NDC80: variants seen among roughly 807,000 people sequenced by gnomAD.
The protein encoded by NDC80 is kinetochore protein NDC80 homolog.
Under a neutral mutation model 89.3 loss-of-function variants are expected in NDC80, and 69 were observed. That is an observed-to-expected ratio of 0.77 (90% CI 0.64 to 0.94). The LOEUF (loss-of-function observed/expected upper bound fraction) is 0.94, where lower values mean the gene tolerates loss of function less well. NDC80 is among the 40% of genes least tolerant of loss of function. The pLI, the probability that NDC80 is intolerant of heterozygous loss-of-function variation, is 0.00. For missense variants in NDC80, 593 were observed against 739.6 expected, an observed-to-expected ratio of 0.80 and a Z score of 2.30; for synonymous variants, 243 against 255.6, an observed-to-expected ratio of 0.95 and a Z score of 0.47.
chr18:2,608,356 C>G (rs2143667070), intron 14 of NDC80, among the ~76,000 whole-genome samples: 1 of 151,950 alleles, frequency 6.6e-6, no homozygotes, highest in Non-Finnish European at 1.5e-5. Context: ...CAGGTGCATG[C>G]CACCATGCCC....
chr18:2,611,887 G>A (rs765776398), intron 16 of NDC80, among the ~76,000 whole-genome samples: 1 of 151,522 alleles, frequency 6.6e-6, no homozygotes, highest in Non-Finnish European at 1.5e-5. Flanking sequence ...GGTGCCAATG[G>A]TCTTCACTTT....
intron 1 of NDC80, among the ~76,000 whole-genome samples, chr18:2,572,648 G>A (rs2072522635): frequency 6.6e-6 from 1 of 152,178 alleles, no homozygotes; most frequent in Admixed American, 6.5e-5. Flanking sequence ...TAACAGACAG[G>A]GCTTTAGCTA....
intron 6 of NDC80, among the ~76,000 whole-genome samples, chr18:2,580,224 T>A (rs564113437): frequency 7.2e-4 from 110 of 152,214 alleles, no homozygotes; most frequent in Non-Finnish European, 1.4e-3. Flanking sequence ...TATCTACTCT[T>A]CTGATTTTTT....
At chr18:2,591,945 G>A (rs541868061) in intron 10 of NDC80, among the ~76,000 whole-genome samples, 13 of 151,918 alleles carry the variant, frequency 8.6e-5, no homozygotes, top group Admixed American at 2.6e-4. Context: ...TAGTAGAGAC[G>A]GGGTTTCACC....
At chr18:2,572,646 A>T (rs2072522607) in intron 1 of NDC80, among the ~76,000 whole-genome samples, 1 of 152,256 alleles carries the variant, frequency 6.6e-6, no homozygotes, top group Non-Finnish European at 1.5e-5. Flanking sequence ...GGTAACAGAC[A>T]GGGCTTTAGC....
chr18:2,578,404 C>T (rs570463789), intron 5 of NDC80, among the ~76,000 whole-genome samples: 3 of 152,006 alleles, frequency 2.0e-5, no homozygotes, highest in South Asian at 4.2e-4. Flanking sequence ...GGATAAAATC[C>T]ACTTTTCTTT....
chr18:2,572,972 T>A lies in NDC80; in HGVS notation c.-9-5T>A, dbSNP rs373117985. 5.0e-6 allele frequency: 8 copies of A among 1,608,502 alleles called. No homozygotes were observed. In the African/African-American group the frequency reaches 9.4e-5, roughly 19 times the overall value. On this transcript the variant is annotated splice_region_variant and splice_polypyrimidine_tract_variant and intron_variant, in intron 1 of 16. Transcript: ENST00000261597. The stretch of plus-strand genomic sequence containing the variant: ...TTTTTTTAAATACTGAATTCGTGAA[T>A]GTAGGTCATAAGCATGAAGCGCAGT...
chr18:2,598,003 G>A (rs1049751462), intron 11 of NDC80, among the ~76,000 whole-genome samples: 2 of 151,898 alleles, frequency 1.3e-5, no homozygotes, highest in Non-Finnish European at 2.9e-5. Context: ...CATGAGAGAA[G>A]CCAATTATTC....
intron 11 of NDC80, 83 bp from the exon 12 acceptor site, chr18:2,598,936 G>T: frequency 7.5e-7 from 1 of 1,334,876 alleles, no homozygotes. Context: ...GATATGTTTT[G>T]TATAAAATTT....
rs564355858 is a variant in NDC80 at position 2,592,169 on chromosome 18, A to G, written c.1015+2007A>G. Among the ~76,000 whole-genome samples the G allele has an allele frequency of 2.8e-4, 43 of 152,274 alleles. No individual in the cohort carries two copies. The South Asian group carries it at 8.7e-3, about 31-fold the overall frequency. ...AACTTTTTCTGATAGCTGCAAACTC[A>G]GTAGGTGAGAGAGAAATACTTAATC... On this transcript the variant is annotated intron_variant, in intron 10 of 16. Transcript: ENST00000261597.
chr18:2,573,361 T>C (rs2072529370), intron 2 of NDC80, among the ~76,000 whole-genome samples: 2 of 152,228 alleles, frequency 1.3e-5, no homozygotes, highest in African/African-American at 2.4e-5. Context: ...TACTCTCTTA[T>C]TTTTCTCTTT....
chr18:2,578,112 A>C lies in NDC80; in HGVS notation c.447A>C (p.Glu149Asp), dbSNP rs1351701561. The C allele has an allele frequency of 1.2e-6, 2 of 1,614,026 alleles. No homozygotes were observed. Among genetic ancestry groups the C allele is most frequent in the South Asian group, 2.2e-5 (2 of 91,072 alleles). The change falls in exon 5 of 17, where the codon GAA (glutamate) becomes GAC (aspartate). Residue 149 changes from glutamate (E) to aspartate (D), a missense_variant. Physicochemically the swap from Glu to Asp is conservative, Grantham distance 45. Transcript: ENST00000261597. ...AACTTCCTGACACAAAGTTTGAAGAAGAGGTTCCAAGAATCTTTAAAGACC... is the reference window on the plus strand; with the variant it reads ...AACTTCCTGACACAAAGTTTGAAGACGAGGTTCCAAGAATCTTTAAAGACC... ...SYELPDTKFEEEVPRIFKDLG... is the reference protein window; with the variant it reads ...SYELPDTKFEDEVPRIFKDLG...
intron 16 of NDC80, among the ~76,000 whole-genome samples, chr18:2,614,253 A>G (rs2072759678): frequency 6.6e-6 from 1 of 152,112 alleles, no homozygotes; most frequent in East Asian, 1.9e-4. Context: ...CCTGGCCAAC[A>G]TGGTGAAACC....
chr18:2,614,701 T>C (rs2072775380), intron 16 of NDC80, among the ~76,000 whole-genome samples: 1 of 152,046 alleles, frequency 6.6e-6, no homozygotes, highest in Non-Finnish European at 1.5e-5. Flanking sequence ...TAGGTATATT[T>C]GCCCTAAAAA....
chr18:2,616,391 GAA>G (rs773791532), intron 16 of NDC80, 44 bp from the exon 17 acceptor site: 310 of 1,279,108 alleles, frequency 2.4e-4, no homozygotes, highest in Middle Eastern at 2.2e-3. Flanking sequence ...CATTTTAAAA[GAA>G]ATTAATTTTT....
At chr18:2,579,191 A>G (rs1179306181) in intron 6 of NDC80, 162 bp downstream of exon 6, 6 of 409,998 alleles carry the variant, frequency 1.5e-5, no homozygotes, top group Middle Eastern at 6.1e-4. Context: ...TATTATCACA[A>G]GGTAAAAGGA....
At chr18:2,594,123 C>T (rs1286107477) in intron 10 of NDC80, 2 of 158,436 alleles carry the variant, frequency 1.3e-5, no homozygotes, top group East Asian at 1.9e-4. Context: ...GAACTCCTGA[C>T]CTCAGGTGAT....
At chr18:2,611,887 G>T (rs765776398) in intron 16 of NDC80, among the ~76,000 whole-genome samples, 5 of 151,522 alleles carry the variant, frequency 3.3e-5, no homozygotes, top group Non-Finnish European at 5.9e-5. Flanking sequence ...GGTGCCAATG[G>T]TCTTCACTTT....
intron 14 of NDC80, among the ~76,000 whole-genome samples, chr18:2,606,835 T>C (rs562783076): frequency 1.3e-3 from 200 of 152,236 alleles, no homozygotes; most frequent in African/African-American, 4.6e-3. Context: ...TTTATTGTTA[T>C]GTACTGCTAA....
Sources: allele counts gnomAD v4.1 joint callset (sites outside exome capture counted in the v4.1 genomes callset), GRCh38; gene constraint gnomAD v4.1.1; transcripts MANE v1.5; gene names NCBI Gene and HGNC (gene_info 2026-07-23, HGNC 2026-07-21).